The following BMP6 variants were observed in gnomAD, a reference collection of about 807,000 sequenced individuals.
BMP6 encodes bone morphogenetic protein 6.
Under a neutral mutation model 54.1 loss-of-function variants are expected in BMP6, and 17 were observed. That is an observed-to-expected ratio of 0.31 (90% CI 0.22 to 0.47). The LOEUF (loss-of-function observed/expected upper bound fraction) is 0.47, where lower values mean the gene tolerates loss of function less well. Ranked by LOEUF, BMP6 falls within the 20% of genes least tolerant of loss-of-function variation. BMP6 has a pLI of 1.00. For synonymous variants in BMP6, 328 were observed against 291.2 expected (o/e 1.13, Z -1.28); for missense variants, 720 against 690.4 (o/e 1.04, Z -0.48).
At chr6:7,794,101 T>A (rs575688339) in intron 1 of BMP6, among the ~76,000 whole-genome samples, 1 of 152,312 alleles carries the variant, frequency 6.6e-6, no homozygotes, top group Non-Finnish European at 1.5e-5. Context: ...TGCTCTTCAC[T>A]CTTGCTCCTT....
intron 4 of BMP6, among the ~76,000 whole-genome samples, chr6:7,876,634 A>G (rs1759621137): frequency 2.0e-5 from 3 of 152,240 alleles, no homozygotes; most frequent in African/African-American, 7.2e-5. Context: ...TATCTGTTTA[A>G]TGTATAACTA....
chr6:7,740,487 A>G (rs1762026525), intron 1 of BMP6, among the ~76,000 whole-genome samples: 1 of 152,162 alleles, frequency 6.6e-6, no homozygotes, highest in Non-Finnish European at 1.5e-5. Context: ...TCAAGCCTCA[A>G]CTTTTAATCA....
intron 1 of BMP6, among the ~76,000 whole-genome samples, chr6:7,763,735 T>C (rs1757646235): frequency 6.6e-6 from 1 of 152,022 alleles, no homozygotes; most frequent in Non-Finnish European, 1.5e-5. Flanking sequence ...CAGGCTCAGA[T>C]GGTGAATGCA....
intron 1 of BMP6, among the ~76,000 whole-genome samples, chr6:7,833,251 C>T (rs1479338509): frequency 1.3e-5 from 2 of 152,174 alleles, no homozygotes; most frequent in East Asian, 3.8e-4. Context: ...ACACTTTCAA[C>T]GTGACTGATG....
rs551112076 is a variant in BMP6, at chr6:7,863,998, C to T, written c.1204+1500C>T. On this transcript the variant is annotated intron_variant, in intron 4 of 6. Coordinates refer to ENST00000283147, the MANE Select transcript of BMP6 (RefSeq NM_001718.6). ...TTAAGATTATGCCTGAGTGACAGAG[C>T]GAGACTCCATCGAAAAAAAAAAAAA... 3.8e-4 allele frequency among the ~76,000 whole-genome samples: 54 copies of T among 141,876 alleles called. 2 individuals carry two copies. Among genetic ancestry groups the T allele is most frequent in the African/African-American group, 1.4e-3 (50 of 36,800 alleles). The allele number at this position is 141,876 out of a possible 152,430, so 93.1% of individuals were successfully genotyped here. A position where few individuals can be genotyped will look rare whatever the true frequency, so the allele number is the denominator to read the frequency against.
chr6:7,880,648 T>C lies in BMP6; in HGVS notation c.*305T>C. ...CTCCTCCCCCAAAAACCCACCAAAA[T>C]TAGTTTTAGCTGTAGATCAAGCTAT... On this transcript the variant is annotated 3_prime_UTR_variant, in exon 7 of 7. Coordinates refer to ENST00000283147, the MANE Select transcript of BMP6 (RefSeq NM_001718.6). 1 of 402,686 alleles carries C rather than the reference T, an allele frequency of 2.5e-6. No individual in the cohort carries two copies. The highest frequency in any genetic ancestry group is 3.3e-5 in the South Asian group (1 of 29,946). 24.9% of individuals were successfully genotyped at this position (402,686 alleles called of 1,614,324 possible).
In BMP6 at chr6:7,726,735, G is replaced by C. The variant is rs967970668; in HGVS notation, c.-221G>C. The stretch of plus-strand genomic sequence containing the variant: ...AGGCTCCCCTTCCTCCCCTCCAAGC[G>C]GTTCTCCTGGTGATCGCCCCTTCGC... On this transcript the variant is annotated 5_prime_UTR_variant, in exon 1 of 7. Transcript: ENST00000283147. 5 of 190,308 alleles carry C rather than the reference G, an allele frequency of 2.6e-5. No individual in the cohort carries two copies. The highest frequency in any genetic ancestry group is 1.2e-4 in the Admixed American group (2 of 16,204). 11.8% of individuals were successfully genotyped at this position (190,308 alleles called of 1,614,324 possible).
intron 1 of BMP6, among the ~76,000 whole-genome samples, chr6:7,751,835 C>G (rs1757430455): frequency 6.6e-6 from 1 of 152,176 alleles, no homozygotes; most frequent in South Asian, 2.1e-4. Context: ...TTCAAGAAGT[C>G]TAATCTGGAC....
intron 1 of BMP6, among the ~76,000 whole-genome samples, chr6:7,816,096 A>C (rs1581260234): frequency 1.3e-5 from 2 of 152,236 alleles, no homozygotes; most frequent in Admixed American, 1.3e-4. Context: ...GGACTAAGGA[A>C]GTCCGGTCTC....
At chr6:7,785,945 AT>A (rs1256836639) in intron 1 of BMP6, among the ~76,000 whole-genome samples, 1 of 152,176 alleles carries the variant, frequency 6.6e-6, no homozygotes, top group Non-Finnish European at 1.5e-5. Flanking sequence ...AAAAAAAAAA[AT>A]CTCTGAATTC....
At chr6:7,835,809 A>G (rs1758865849) in intron 1 of BMP6, among the ~76,000 whole-genome samples, 1 of 152,028 alleles carries the variant, frequency 6.6e-6, no homozygotes, top group Non-Finnish European at 1.5e-5. Flanking sequence ...AGACATGTAT[A>G]GTGGTAGCTA....
At chr6:7,815,395 T>A (rs1758510336) in intron 1 of BMP6, among the ~76,000 whole-genome samples, 1 of 152,238 alleles carries the variant, frequency 6.6e-6, no homozygotes, top group Admixed American at 6.5e-5. Flanking sequence ...GCTTTAAGAA[T>A]TGGAGCAAGT....
At chr6:7,824,622 CT>C (rs1758664150) in intron 1 of BMP6, among the ~76,000 whole-genome samples, 1 of 152,212 alleles carries the variant, frequency 6.6e-6, no homozygotes, top group African/African-American at 2.4e-5. Flanking sequence ...CAGAGGTAAT[CT>C]GATAATCCCA....
At chr6:7,868,813 C>A (rs1041198773) in intron 4 of BMP6, among the ~76,000 whole-genome samples, 2 of 152,218 alleles carry the variant, frequency 1.3e-5, no homozygotes, top group Non-Finnish European at 2.9e-5. Context: ...CCCAGGGCAG[C>A]CGAGTGGCCC....
At chr6:7,730,682 GTTCAT>G (rs1313050103) in intron 1 of BMP6, among the ~76,000 whole-genome samples, 1 of 152,186 alleles carries the variant, frequency 6.6e-6, no homozygotes, top group Non-Finnish European at 1.5e-5. Flanking sequence ...AGGAAGGACA[GTTCAT>G]TTGAACAAAG....
chr6:7,872,175 G>A (rs1228984959), intron 4 of BMP6, among the ~76,000 whole-genome samples: 1 of 151,886 alleles, frequency 6.6e-6, no homozygotes, highest in Non-Finnish European at 1.5e-5. Flanking sequence ...TGTTCCTGTT[G>A]AATTGTCACC....
chr6:7,781,695 A>G (rs1199116669), intron 1 of BMP6, among the ~76,000 whole-genome samples: 1 of 151,604 alleles, frequency 6.6e-6, no homozygotes, highest in Non-Finnish European at 1.5e-5. Context: ...TCAAGTGATC[A>G]TAGTTCTGAG....
intron 1 of BMP6, among the ~76,000 whole-genome samples, chr6:7,795,927 ATGAGT>A (rs1758184367): frequency 6.6e-6 from 1 of 152,132 alleles, no homozygotes; most frequent in Non-Finnish European, 1.5e-5. Context: ...GGAAAACATG[ATGAGT>A]TCAGTTTGAC....
chr6:7,856,974 G>GTT (rs1759251000), intron 2 of BMP6, among the ~76,000 whole-genome samples: 1 of 152,210 alleles, frequency 6.6e-6, no homozygotes, highest in Admixed American at 6.5e-5. Context: ...CTTGATGGGT[G>GTT]TGTGGTTTGT....
Sources: gnomAD v4.1 joint callset for allele counts (sites outside exome capture counted in the v4.1 genomes callset) on GRCh38, gnomAD v4.1.1 for gene constraint, MANE v1.5 for transcripts, NCBI Gene and HGNC (gene_info 2026-07-23, HGNC 2026-07-21) for gene names.